DCBLD2: variants seen among roughly 807,000 people sequenced by gnomAD.
The protein encoded by DCBLD2 is discoidin, CUB and LCCL domain-containing protein 2.
Under a neutral mutation model 86.8 loss-of-function variants are expected in DCBLD2, and 54 were observed. That is an observed-to-expected ratio of 0.62 (90% CI 0.50 to 0.78). The LOEUF is 0.78. Ranked by LOEUF, DCBLD2 falls within the 30% of genes least tolerant of loss-of-function variation. DCBLD2 has a pLI of 0.00. For missense variants in DCBLD2, 908 were observed against 954.2 expected (o/e 0.95, Z 0.64); for synonymous variants, 354 against 341.3 (o/e 1.04, Z -0.41).
chr3:98,823,656 T>C (rs145203436), intron 4 of DCBLD2, among the ~76,000 whole-genome samples: 263 of 152,336 alleles, frequency 1.7e-3, no homozygotes, highest in Admixed American at 6.5e-3. Context: ...CATGCTGAAA[T>C]AACCGCAAGA....
At chr3:98,824,401 T>C (rs1032692626) in intron 4 of DCBLD2, among the ~76,000 whole-genome samples, 3 of 152,118 alleles carry the variant, frequency 2.0e-5, no homozygotes, top group African/African-American at 7.2e-5. Context: ...CGAGCGCAGC[T>C]GACCCTCTGC....
At chr3:98,883,549 A>G (rs976813549) in intron 1 of DCBLD2, among the ~76,000 whole-genome samples, 1 of 152,164 alleles carries the variant, frequency 6.6e-6, no homozygotes, top group Non-Finnish European at 1.5e-5. Context: ...ATTCTTTATC[A>G]TAAAGTTTGT....
At position 98,870,662 on chromosome 3, in the gene DCBLD2, G is replaced by C. The variant is rs1423712381; in HGVS notation, c.433+10878C>G. Among the ~76,000 whole-genome samples the C allele has an allele frequency of 2.2e-4, 32 of 147,968 alleles. 2 individuals carry two copies. In the East Asian group the frequency reaches 5.2e-3, roughly 24 times the overall value. Reference sequence around the variant, plus strand: ...AAGGAAGAAGAGATAGAGAAAGAGAGAGAGAGAGAGAGAGAGAAATAGAGA... The same window carrying C: ...AAGGAAGAAGAGATAGAGAAAGAGACAGAGAGAGAGAGAGAGAAATAGAGA... On this transcript the variant is annotated intron_variant, in intron 2 of 15. Transcript: ENST00000326840.
intron 3 of DCBLD2, among the ~76,000 whole-genome samples, chr3:98,836,730 C>A (rs1476492700): frequency 3.0e-5 from 1 of 32,984 alleles, no homozygotes; most frequent in African/African-American, 5.7e-5. Flanking sequence ...GGGGGCTGAC[C>A]CCCCCATCTC....
At chr3:98,870,757 G>GAAAAGAAAGAAAGAAAGAAAGA (rs71124008) in intron 2 of DCBLD2, among the ~76,000 whole-genome samples, 11 of 111,516 alleles carry the variant, frequency 9.9e-5, no homozygotes, top group Middle Eastern at 4.2e-3. Context: ...AAGAAAGAAA[G>GAAAAGAAAGAAAGAAAGAAAGA]AAAGAAAGAA....
intron 2 of DCBLD2, among the ~76,000 whole-genome samples, chr3:98,860,073 G>A (rs191440661): frequency 2.0e-5 from 3 of 152,300 alleles, no homozygotes; most frequent in Non-Finnish European, 2.9e-5. Flanking sequence ...ACTACGTGAC[G>A]AATGCACAAG....
At chr3:98,820,438 C>G in intron 6 of DCBLD2, 150 bp from the exon 7 acceptor site, 1 of 504,332 alleles carries the variant, frequency 2.0e-6, no homozygotes, top group Non-Finnish European at 3.2e-6. Context: ...TAATATTGTT[C>G]CTAGGAAAAA....
At chr3:98,806,322 G>T (rs984935524) in intron 13 of DCBLD2, among the ~76,000 whole-genome samples, 14 of 152,160 alleles carry the variant, frequency 9.2e-5, no homozygotes, top group African/African-American at 3.4e-4. Context: ...TAATTATGTA[G>T]AATAGTGACT....
chr3:98,827,571 TG>T (rs1207837415), intron 3 of DCBLD2, among the ~76,000 whole-genome samples: 1 of 152,170 alleles, frequency 6.6e-6, no homozygotes, highest in Non-Finnish European at 1.5e-5. Context: ...TCAAATTCCA[TG>T]GAAGTTCAAA....
chr3:98,891,955 T>C (rs1352228221), intron 1 of DCBLD2, among the ~76,000 whole-genome samples: 1 of 152,144 alleles, frequency 6.6e-6, no homozygotes, highest in Non-Finnish European at 1.5e-5. Context: ...TACCAACCTA[T>C]AAAATTTGGT....
chr3:98,899,355 G>A (rs1027914534), intron 1 of DCBLD2, among the ~76,000 whole-genome samples: 4 of 149,288 alleles, frequency 2.7e-5, no homozygotes, highest in East Asian at 2.0e-4. Context: ...GGGTTCAAGC[G>A]ATTCCCCTGC....
intron 2 of DCBLD2, among the ~76,000 whole-genome samples, chr3:98,863,182 T>G (rs2107501170): frequency 6.6e-6 from 1 of 152,310 alleles, no homozygotes; most frequent in Admixed American, 6.5e-5. Context: ...AAGGACCTCT[T>G]CAAAGAGAAC....
intron 13 of DCBLD2, among the ~76,000 whole-genome samples, chr3:98,802,383 G>A (rs545262396): frequency 1.1e-3 from 161 of 152,150 alleles, no homozygotes; most frequent in African/African-American, 3.1e-3. Flanking sequence ...CATATCTTTC[G>A]CCCACTTGTT....
rs939184020 is a variant in DCBLD2 at position 98,797,623 on chromosome 3, G to A, written c.*1749C>T. On this transcript the variant is annotated 3_prime_UTR_variant, in exon 16 of 16. Transcript: ENST00000326840. ...ACAAAATATGTATTGATTCTTCAAT[G>A]AATGAAATCACGCCTCAAAGTTTGG... is the stretch of plus-strand genomic sequence containing the variant. The A allele has an allele frequency of 2.6e-5, 4 of 152,134 alleles. No individual in the cohort carries two copies. The East Asian group carries it at 7.7e-4, about 29-fold the overall frequency. The allele number at this position is 152,134 out of a possible 1,614,324, so 9.4% of individuals were successfully genotyped here.
chr3:98,861,450 TTCCAAAATTGAC>T (rs377306077), intron 2 of DCBLD2, among the ~76,000 whole-genome samples: 7,868 of 152,238 alleles, frequency 0.052, 207 homozygotes, highest in Middle Eastern at 0.068. Context: ...ATTGCACTTA[TTCCAAAATTGAC>T]CACATAGTTG....
chr3:98,858,460 G>T lies in DCBLD2; in HGVS notation c.434-8862C>A, dbSNP rs889483464. 1.2e-4 allele frequency among the ~76,000 whole-genome samples: 18 copies of T among 152,366 alleles called. 1 individual carries two copies. Among genetic ancestry groups the T allele is most frequent in the African/African-American group, 4.3e-4 (18 of 41,588 alleles). ...GGTGCCGAGAGCGAGCGAGGCCTGCGAGGGCTGCCAGCACGCTGTCACCTC... is the reference window on the plus strand; with the variant it reads ...GGTGCCGAGAGCGAGCGAGGCCTGCTAGGGCTGCCAGCACGCTGTCACCTC... On this transcript the variant is annotated intron_variant, in intron 2 of 15. Coordinates refer to ENST00000326840, the MANE Select transcript of DCBLD2 (RefSeq NM_080927.4).
At chr3:98,896,697 C>A (rs2107534836) in intron 1 of DCBLD2, among the ~76,000 whole-genome samples, 1 of 152,172 alleles carries the variant, frequency 6.6e-6, no homozygotes, top group South Asian at 2.1e-4. Flanking sequence ...GTTATCCATA[C>A]AATATTTAAA....
intron 2 of DCBLD2, among the ~76,000 whole-genome samples, chr3:98,880,466 C>T (rs147447057): frequency 0.014 from 2,060 of 152,246 alleles, 19 homozygotes; most frequent in South Asian, 0.026. Context: ...ATGCCTAAAT[C>T]AAAGGTTTTT....
At position 98,829,325 on chromosome 3, in the gene DCBLD2, G is replaced by A. The variant is rs1435554201; in HGVS notation, c.572-3959C>T. Among the ~76,000 whole-genome samples, 16 of 151,980 alleles carry A rather than the reference G, an allele frequency of 1.1e-4. 1 individual carries two copies. The highest frequency in any genetic ancestry group is 7.9e-4 in the Admixed American group (12 of 15,236). On this transcript the variant is annotated intron_variant, in intron 3 of 15. Transcript: ENST00000326840. ...TTATTTTAGGTTCAAGGGTATATGC[G>A]CAGGATTGTTATATAGGTAAACTTG... is the stretch of plus-strand genomic sequence containing the variant.
Sources: gnomAD v4.1 joint callset for allele counts (sites outside exome capture counted in the v4.1 genomes callset) on GRCh38, gnomAD v4.1.1 for gene constraint, MANE v1.5 for transcripts, NCBI Gene and HGNC (gene_info 2026-07-23, HGNC 2026-07-21) for gene names.